Variants in KCND3 observed in about 807,000 individuals in gnomAD.
The protein encoded by KCND3 is A-type voltage-gated potassium channel KCND3.
In KCND3, 9 loss-of-function variants were observed where a neutral mutation model predicts 51.1. The observed-to-expected ratio is 0.18, with a 90% CI of 0.11 to 0.31. KCND3 has a LOEUF of 0.31. Ranked by LOEUF, KCND3 falls within the 10% of genes least tolerant of loss-of-function variation. The probability of loss-of-function intolerance (pLI) is 1.00; values close to 1 mark genes in which losing one functional copy is unlikely to be tolerated. For missense variants in KCND3, 526 were observed against 903.8 expected (o/e 0.58, Z 5.36); for synonymous variants, 349 against 368.0 (o/e 0.95, Z 0.59).
chr1:111,896,629 A>G (rs1670127869), intron 2 of KCND3, among the ~76,000 whole-genome samples: 1 of 152,196 alleles, frequency 6.6e-6, no homozygotes, highest in Admixed American at 6.5e-5. Flanking sequence ...GAATGTTGAG[A>G]TCCACTCAGC....
At chr1:111,793,779 G>A (rs1038850460) in intron 2 of KCND3, among the ~76,000 whole-genome samples, 6 of 152,056 alleles carry the variant, frequency 3.9e-5, no homozygotes, top group Admixed American at 1.3e-4. Context: ...TTTTCTCTGT[G>A]GAATTTTGAA....
At chr1:111,831,779 A>C (rs1174146210) in intron 2 of KCND3, among the ~76,000 whole-genome samples, 1 of 152,170 alleles carries the variant, frequency 6.6e-6, no homozygotes, top group African/African-American at 2.4e-5. Context: ...CTCCAAGTCC[A>C]ACACATCTTC....
intron 2 of KCND3, among the ~76,000 whole-genome samples, chr1:111,868,711 T>C (rs770585717): frequency 6.6e-6 from 1 of 152,204 alleles, no homozygotes; most frequent in East Asian, 1.9e-4. Context: ...TATTTTATAA[T>C]TGAAGAGACC....
At chr1:111,924,692 C>T (rs1055200227) in intron 2 of KCND3, among the ~76,000 whole-genome samples, 2 of 152,210 alleles carry the variant, frequency 1.3e-5, no homozygotes, top group Admixed American at 6.5e-5. Flanking sequence ...TCAGGGCTGC[C>T]GTAGCTCAGG....
chr1:111,915,492 C>G (rs928425214), intron 2 of KCND3, among the ~76,000 whole-genome samples: 2 of 152,028 alleles, frequency 1.3e-5, no homozygotes, highest in Non-Finnish European at 2.9e-5. Context: ...GTGGCTCATG[C>G]CTGTAATCCC....
At chr1:111,803,231 G>A (rs1665400747) in intron 2 of KCND3, among the ~76,000 whole-genome samples, 1 of 152,146 alleles carries the variant, frequency 6.6e-6, no homozygotes, top group South Asian at 2.1e-4. Flanking sequence ...CATGTGAGCT[G>A]GTGACAGTGG....
chr1:111,813,640 C>T (rs1030915564), intron 2 of KCND3, among the ~76,000 whole-genome samples: 9 of 152,056 alleles, frequency 5.9e-5, no homozygotes, highest in Admixed American at 2.6e-4. Context: ...GTACCAGGTG[C>T]GGAGGCTCTG....
At chr1:111,843,623 A>T (rs1667425365) in intron 2 of KCND3, among the ~76,000 whole-genome samples, 1 of 152,164 alleles carries the variant, frequency 6.6e-6, no homozygotes, top group South Asian at 2.1e-4. Context: ...CCTGCATTTC[A>T]GGGTTCTCTG....
chr1:111,793,016 G>T (rs1664904149), intron 2 of KCND3, among the ~76,000 whole-genome samples: 1 of 150,726 alleles, frequency 6.6e-6, no homozygotes, highest in South Asian at 2.1e-4. Flanking sequence ...ACTGCACGTG[G>T]TTGCCACCAT....
In KCND3 at chr1:111,915,866, TA is replaced by T. The variant is rs1009951254; in HGVS notation, c.1106+65754del. On this transcript the variant is annotated intron_variant, in intron 2 of 7. Coordinates refer to ENST00000302127, the MANE Select transcript of KCND3 (RefSeq NM_001378969.1). ...ATTTTATAATGATAAAGGGATAAAT[TA>T]AAAAAAAAAACAAAACCCTAAATGT... is the stretch of plus-strand genomic sequence containing the variant. 4.4e-3 allele frequency among the ~76,000 whole-genome samples: 623 copies of T among 141,228 alleles called. 3 individuals carry two copies. Among genetic ancestry groups the T allele is most frequent in the African/African-American group, 0.015 (569 of 38,504 alleles). 92.7% of individuals were successfully genotyped at this position (141,228 alleles called of 152,430 possible).
At chr1:111,848,419 C>T (rs180941166) in intron 2 of KCND3, among the ~76,000 whole-genome samples, 17 of 152,206 alleles carry the variant, frequency 1.1e-4, no homozygotes, top group Non-Finnish European at 2.1e-4. Flanking sequence ...TGGGACTAAC[C>T]GCTCCTTTCC....
chr1:111,851,097 T>C (rs1446355712), intron 2 of KCND3, among the ~76,000 whole-genome samples: 1 of 152,186 alleles, frequency 6.6e-6, no homozygotes, highest in Non-Finnish European at 1.5e-5. Flanking sequence ...CTCCTAATCA[T>C]CCTTCAAAAC....
At chr1:111,924,005 A>T (rs1671589015) in intron 2 of KCND3, among the ~76,000 whole-genome samples, 1 of 152,180 alleles carries the variant, frequency 6.6e-6, no homozygotes, top group Non-Finnish European at 1.5e-5. Context: ...TGTTCCTCCA[A>T]TGTGCCCACG....
chr1:111,832,632 G>T (rs1042646310), intron 2 of KCND3, among the ~76,000 whole-genome samples: 2 of 152,120 alleles, frequency 1.3e-5, no homozygotes, highest in Non-Finnish European at 2.9e-5. Context: ...ACTCAGAACT[G>T]CTCCATCTGA....
intron 3 of KCND3, among the ~76,000 whole-genome samples, chr1:111,781,254 G>A (rs568610273): frequency 1.3e-5 from 2 of 152,290 alleles, no homozygotes; most frequent in South Asian, 4.2e-4. Context: ...TATGAGAAAA[G>A]CAAGGAGTGG....
intron 2 of KCND3, among the ~76,000 whole-genome samples, chr1:111,883,507 TG>T (rs1226233508): frequency 1.3e-5 from 2 of 152,234 alleles, no homozygotes; most frequent in Non-Finnish European, 2.9e-5. Flanking sequence ...AATTCAACCA[TG>T]GACTCGATAA....
intron 2 of KCND3, among the ~76,000 whole-genome samples, chr1:111,795,972 G>T (rs771075268): frequency 6.6e-6 from 1 of 152,034 alleles, no homozygotes; most frequent in Non-Finnish European, 1.5e-5. Flanking sequence ...ATTGTTGGCC[G>T]CATGTATTTC....
intron 2 of KCND3, among the ~76,000 whole-genome samples, chr1:111,947,607 T>C (rs186319957): frequency 6.6e-6 from 1 of 152,352 alleles, no homozygotes; most frequent in Admixed American, 6.5e-5. Context: ...TGAGACCATG[T>C]GTTCTTGAAG....
At chr1:111,825,582 G>A (rs148411286) in intron 2 of KCND3, among the ~76,000 whole-genome samples, 108 of 152,288 alleles carry the variant, frequency 7.1e-4, no homozygotes, top group African/African-American at 2.5e-3. Context: ...CATAATAAAA[G>A]TAATGCACAA....
Sources: allele counts gnomAD v4.1 joint callset (sites outside exome capture counted in the v4.1 genomes callset), GRCh38; gene constraint gnomAD v4.1.1; transcripts MANE v1.5; gene names NCBI Gene and HGNC (gene_info 2026-07-23, HGNC 2026-07-21).